Variants in AGTPBP1 observed in about 807,000 individuals in gnomAD.
AGTPBP1 encodes ATP/GTP binding carboxypeptidase 1.
Under a neutral mutation model 143.9 loss-of-function variants are expected in AGTPBP1, and 70 were observed. The ratio of observed to expected loss-of-function variants is 0.49; its 90% CI spans 0.40 to 0.59. The LOEUF is 0.59. AGTPBP1 is among the 20% of genes least tolerant of loss of function. AGTPBP1 has a pLI of 0.00. For synonymous variants in AGTPBP1, 463 were observed against 500.2 expected (o/e 0.93, Z 0.99); for missense variants, 1,229 against 1,464.5 (o/e 0.84, Z 2.62).
intron 17 of AGTPBP1, among the ~76,000 whole-genome samples, chr9:85,597,869 A>C (rs1324101838): frequency 6.6e-6 from 1 of 152,124 alleles, no homozygotes; most frequent in Non-Finnish European, 1.5e-5. Context: ...TATGTGACTA[A>C]GTTAGCTAAT....
intron 25 of AGTPBP1, among the ~76,000 whole-genome samples, chr9:85,566,708 C>G (rs1054401407): frequency 3.3e-5 from 5 of 152,032 alleles, no homozygotes; most frequent in Admixed American, 3.3e-4. Flanking sequence ...AACAGAATCA[C>G]GAAGTCAGGT....
At chr9:85,655,352 T>G in intron 10 of AGTPBP1, 32 bp from the exon 11 acceptor site, 1 of 1,466,088 alleles carries the variant, frequency 6.8e-7, no homozygotes, top group South Asian at 1.4e-5. Flanking sequence ...AGAAAAAGAA[T>G]GTTTTTGATG....
intron 8 of AGTPBP1, among the ~76,000 whole-genome samples, chr9:85,661,682 C>T (rs1833865720): frequency 6.6e-6 from 1 of 152,006 alleles, no homozygotes; most frequent in Non-Finnish European, 1.5e-5. Flanking sequence ...AATCAACTGC[C>T]GTTAATCAGC....
chr9:85,738,905 C>T (rs1824015862), intron 1 of AGTPBP1, among the ~76,000 whole-genome samples: 1 of 151,876 alleles, frequency 6.6e-6, no homozygotes, highest in Admixed American at 6.6e-5. Flanking sequence ...TGAGGAAGAG[C>T]AACGGTAATA....
chr9:85,764,831 GT>G, the AGTPBP1 span: 3 of 1,328,992 alleles, frequency 2.3e-6, no homozygotes, highest in South Asian at 3.5e-5. Flanking sequence ...TTCAGAGCAA[GT>G]TGAAGTCCTC....
chr9:85,671,109 T>C (rs922835297), intron 7 of AGTPBP1, among the ~76,000 whole-genome samples: 12 of 151,338 alleles, frequency 7.9e-5, no homozygotes, highest in Non-Finnish European at 1.8e-4. Flanking sequence ...AACTAGCCAA[T>C]TTTTTCCTTT....
rs368559970 is a variant in AGTPBP1 at position 85,652,964 on chromosome 9, T to C, written c.1087+2179A>G. ...AGTGTCTGGAGATATGGAGAATTGG[T>C]TGGTATGAGGACAAAAGACACATAT... On this transcript the variant is annotated intron_variant, in intron 11 of 25. Coordinates refer to ENST00000357081, the MANE Select transcript of AGTPBP1 (RefSeq NM_001330701.2). 1.5e-4 allele frequency among the ~76,000 whole-genome samples: 23 copies of C among 152,158 alleles called. 1 individual carries two copies. Among genetic ancestry groups the C allele is most frequent in the African/African-American group, 5.5e-4 (23 of 41,500 alleles).
chr9:85,640,913 A>T (rs1165495045), intron 13 of AGTPBP1, among the ~76,000 whole-genome samples: 2 of 152,178 alleles, frequency 1.3e-5, no homozygotes, highest in African/African-American at 2.4e-5. Flanking sequence ...TCAGTACTGG[A>T]GGTTAATCAC....
chr9:85,767,706 T>C, the AGTPBP1 span, among the ~76,000 whole-genome samples: 1 of 152,152 alleles, frequency 6.6e-6, no homozygotes, highest in Non-Finnish European at 1.5e-5. Flanking sequence ...GGTCTCGAAC[T>C]CCTGACCTCA....
chr9:85,598,973 C>T (rs1375206084), intron 17 of AGTPBP1, among the ~76,000 whole-genome samples: 1 of 152,196 alleles, frequency 6.6e-6, no homozygotes, highest in Non-Finnish European at 1.5e-5. Flanking sequence ...CCGCCCGCCT[C>T]GGCCTCCCAG....
chr9:85,692,730 C>G lies in AGTPBP1; in HGVS notation c.116G>C (p.Arg39Pro). 1 of 1,613,920 alleles carries G rather than the reference C, an allele frequency of 6.2e-7. No homozygotes were observed. The highest frequency in any genetic ancestry group is 8.5e-7 in the Non-Finnish European group (1 of 1,179,928). ...NAEPSESDTA[R>P]YVTSKILHLA... Reference sequence around the variant, plus strand: ...ATGAAGAATTTTTGATGTAACATATCGGGCAGTGTCTGATTCTGAAGGCTC... The same window carrying G: ...ATGAAGAATTTTTGATGTAACATATGGGGCAGTGTCTGATTCTGAAGGCTC... Residue 39 changes from arginine (R) to proline (P), a missense_variant, in exon 3 of 26, where the codon CGA (arginine) becomes CCA (proline). By Grantham distance (103) the Arg-to-Pro change is moderately radical (BLOSUM62 -2). Around this residue, in one of 2 missense-constraint regions of AGTPBP1, gnomAD observed 743 missense variants for 812.2 expected, o/e 0.91. Transcript: ENST00000357081.
chr9:85,695,047 C>G (rs1836137041), intron 2 of AGTPBP1, among the ~76,000 whole-genome samples: 1 of 152,174 alleles, frequency 6.6e-6, no homozygotes, highest in East Asian at 1.9e-4. Context: ...CTCTCACAGC[C>G]TAGTGACTAG....
chr9:85,641,709 T>C (rs1587809003), intron 13 of AGTPBP1, among the ~76,000 whole-genome samples: 1 of 152,088 alleles, frequency 6.6e-6, no homozygotes, highest in African/African-American at 2.4e-5. Context: ...TGTTTCTTTT[T>C]TTTTTTTAGA....
intron 1 of AGTPBP1, among the ~76,000 whole-genome samples, chr9:85,722,582 T>C (rs1838199885): frequency 6.6e-6 from 1 of 152,226 alleles, no homozygotes; most frequent in Non-Finnish European, 1.5e-5. Flanking sequence ...TAACCCTTTT[T>C]CAAGGTTTTT....
the AGTPBP1 span, among the ~76,000 whole-genome samples, chr9:85,777,538 G>A: frequency 6.6e-6 from 1 of 152,230 alleles, no homozygotes; most frequent in Admixed American, 6.5e-5. Context: ...ATTGGGCAAT[G>A]ACAGGGGTGG....
rs114496812 is a variant in AGTPBP1 at position 85,730,251 on chromosome 9, C to T, written c.-34+11524G>A. On this transcript the variant is annotated intron_variant, in intron 1 of 25. Coordinates refer to ENST00000357081, the MANE Select transcript of AGTPBP1 (RefSeq NM_001330701.2). ...TTCCTCCTAAGTAAGCCACTTAATG[C>T]CTGTGCCAGATATTGATTTATTGCC... is the stretch of plus-strand genomic sequence containing the variant. Among the ~76,000 whole-genome samples, 1,507 of 152,296 alleles carry T rather than the reference C, an allele frequency of 9.9e-3. 33 individuals are homozygous for T. The highest frequency in any genetic ancestry group is 0.034 in the African/African-American group (1,412 of 41,542).
At chr9:85,751,676 G>A in the AGTPBP1 span, among the ~76,000 whole-genome samples, 23 of 152,030 alleles carry the variant, frequency 1.5e-4, no homozygotes, top group Non-Finnish European at 2.5e-4. Context: ...GTGCAGTGGC[G>A]CGATCTCAGC....
At chr9:85,673,501 T>G (rs1323837760) in intron 6 of AGTPBP1, among the ~76,000 whole-genome samples, 1 of 152,096 alleles carries the variant, frequency 6.6e-6, no homozygotes, top group Non-Finnish European at 1.5e-5. Context: ...TATTACCAAA[T>G]AAATTTCTAA....
the AGTPBP1 span, among the ~76,000 whole-genome samples, chr9:85,750,531 C>T: frequency 6.6e-6 from 1 of 152,138 alleles, no homozygotes; most frequent in African/African-American, 2.4e-5. Flanking sequence ...TAAACACTTC[C>T]TTTAAATACT....
Sources: allele counts gnomAD v4.1 joint callset (sites outside exome capture counted in the v4.1 genomes callset), GRCh38; gene constraint gnomAD v4.1.1; regional missense constraint gnomAD v4.1.1; transcripts MANE v1.5; gene names NCBI Gene and HGNC (gene_info 2026-07-23, HGNC 2026-07-21).